GARIN2: variants seen among roughly 807,000 people sequenced by gnomAD.
GARIN2 encodes the protein golgi associated RAB2 interactor family member 2.
the GARIN2 span, chr14:67,208,073 C>T: frequency 7.3e-7 from 1 of 1,364,738 alleles, no homozygotes; most frequent in Non-Finnish European, 9.8e-7. Flanking sequence ...CTCACTCCCT[C>T]CTTACTACTC....
At chr14:67,221,006 T>G in the GARIN2 span, among the ~76,000 whole-genome samples, 1 of 152,210 alleles carries the variant, frequency 6.6e-6, no homozygotes, top group African/African-American at 2.4e-5. Flanking sequence ...AAATACTTAT[T>G]GAAAATGTGT....
At chr14:67,218,672 T>C in the GARIN2 span, among the ~76,000 whole-genome samples, 1 of 152,048 alleles carries the variant, frequency 6.6e-6, no homozygotes, top group Non-Finnish European at 1.5e-5. Context: ...CAGAAACATA[T>C]CTGTAGGGGA....
At chr14:67,221,843 T>A in the GARIN2 span, 32 of 1,608,410 alleles carry the variant, frequency 2.0e-5, no homozygotes, top group Non-Finnish European at 2.7e-5. Flanking sequence ...TTTATTGTGA[T>A]CCCTGGTATT....
the GARIN2 span, among the ~76,000 whole-genome samples, chr14:67,202,228 G>A: frequency 6.6e-6 from 1 of 152,168 alleles, no homozygotes; most frequent in Non-Finnish European, 1.5e-5. Context: ...ATCACCCGAG[G>A]TCAGGAGTTC....
the GARIN2 span, among the ~76,000 whole-genome samples, chr14:67,219,449 T>C: frequency 6.6e-6 from 1 of 152,210 alleles, no homozygotes; most frequent in Admixed American, 6.5e-5. Flanking sequence ...CTTAGCAGTT[T>C]ATTCATTGCT....
At chr14:67,199,595 G>C in the GARIN2 span, 1 of 1,591,984 alleles carries the variant, frequency 6.3e-7, no homozygotes, top group South Asian at 1.1e-5. Context: ...TTATGCCTTC[G>C]AGAAGGACTC....
chr14:67,218,260 G>A, the GARIN2 span, among the ~76,000 whole-genome samples: 1 of 152,330 alleles, frequency 6.6e-6, no homozygotes, highest in Admixed American at 6.5e-5. Context: ...TCTATGAGTA[G>A]CAGCCTACAG....
the GARIN2 span, chr14:67,204,828 G>C: frequency 8.7e-6 from 14 of 1,613,872 alleles, no homozygotes; most frequent in Non-Finnish European, 1.1e-5. Context: ...TCCTGACCCC[G>C]TACATGTATG....
the GARIN2 span, among the ~76,000 whole-genome samples, chr14:67,212,272 GA>G: frequency 4.6e-5 from 7 of 151,820 alleles, no homozygotes; most frequent in Admixed American, 2.0e-4. Flanking sequence ...GTAGATTAAA[GA>G]AAAAAATGTA....
At chr14:67,223,351 GT>G in the GARIN2 span, among the ~76,000 whole-genome samples, 3 of 152,328 alleles carry the variant, frequency 2.0e-5, no homozygotes, top group East Asian at 5.8e-4. Context: ...CTGTAATGTG[GT>G]TAGGCCTATA....
At chr14:67,204,463 A>G in the GARIN2 span, 2 of 1,449,448 alleles carry the variant, frequency 1.4e-6, no homozygotes, top group Non-Finnish European at 1.8e-6. Flanking sequence ...ACAAATATAT[A>G]TATATATAAG....
the GARIN2 span, chr14:67,204,912 T>C: frequency 6.2e-7 from 1 of 1,611,170 alleles, no homozygotes; most frequent in East Asian, 2.2e-5. Context: ...ACATCACAGA[T>C]GTCACAGATC....
the GARIN2 span, chr14:67,202,982 C>A: frequency 8.9e-7 from 1 of 1,128,700 alleles, no homozygotes; most frequent in East Asian, 2.5e-5. Context: ...ACAAATATAT[C>A]ATGGTTCATT....
the GARIN2 span, among the ~76,000 whole-genome samples, chr14:67,224,259 C>CTTTTT: frequency 7.4e-6 from 1 of 134,798 alleles, no homozygotes; most frequent in African/African-American, 2.8e-5. Flanking sequence ...TCTCTCTTTT[C>CTTTTT]TTTTTTTTTT....
the GARIN2 span, chr14:67,204,999 A>C: frequency 6.4e-7 from 1 of 1,561,252 alleles, no homozygotes; most frequent in South Asian, 1.2e-5. Context: ...AAGCCACGGA[A>C]GTCACAGACA....
chr14:67,223,774 T>C, the GARIN2 span: 1 of 985,520 alleles, frequency 1.0e-6, no homozygotes, highest in East Asian at 1.1e-4. Context: ...TTTTCAGTTT[T>C]TCCCCTGATT....
the GARIN2 span, chr14:67,189,823 C>G: frequency 7.0e-6 from 1 of 143,692 alleles, no homozygotes; most frequent in Non-Finnish European, 1.5e-5. Flanking sequence ...AGCATGTTTT[C>G]TGGATTTTTT....
chr14:67,226,285 G>A, the GARIN2 span, among the ~76,000 whole-genome samples: 1 of 152,132 alleles, frequency 6.6e-6, no homozygotes, highest in Admixed American at 6.5e-5. Context: ...TCTGCCTCCT[G>A]GGTTCAAGTG....
chr14:67,217,069 T>G, the GARIN2 span, among the ~76,000 whole-genome samples: 1 of 152,218 alleles, frequency 6.6e-6, no homozygotes, highest in African/African-American at 2.4e-5. Flanking sequence ...TAATATTTGC[T>G]TTATAAATCT....
Sources: allele counts gnomAD v4.1 joint callset (sites outside exome capture counted in the v4.1 genomes callset), GRCh38; gene constraint gnomAD v4.1.1; transcripts MANE v1.5; gene names NCBI Gene and HGNC (gene_info 2026-07-23, HGNC 2026-07-21).